Variants in KIAA1958 observed in about 807,000 individuals in gnomAD.
KIAA1958 encodes KIAA1958.
A neutral mutation model predicts 47.2 loss-of-function variants in KIAA1958; 14 were observed. The ratio of observed to expected loss-of-function variants is 0.30; its 90% CI spans 0.20 to 0.46. The LOEUF is 0.46. KIAA1958 is among the 20% of genes least tolerant of loss of function. KIAA1958 has a pLI of 1.00. For synonymous variants in KIAA1958, 354 were observed against 353.3 expected, an observed-to-expected ratio of 1.00 and a Z score of -0.02; for missense variants, 803 against 909.2, an observed-to-expected ratio of 0.88 and a Z score of 1.50.
intron 1 of KIAA1958, among the ~76,000 whole-genome samples, chr9:112,525,918 T>TTTC (rs758525184): frequency 1.8e-3 from 174 of 96,496 alleles, no homozygotes; most frequent in Non-Finnish European, 3.0e-3. Flanking sequence ...ATTTATATTC[T>TTTC]TTCTTCTTCT....
intron 2 of KIAA1958, among the ~76,000 whole-genome samples, chr9:112,611,703 C>G (rs1449026847): frequency 2.0e-5 from 3 of 151,874 alleles, no homozygotes; most frequent in African/African-American, 7.3e-5. Flanking sequence ...GTGCAAATAC[C>G]AACAGGATTT....
chr9:112,530,655 T>A (rs1834737059), intron 1 of KIAA1958, among the ~76,000 whole-genome samples: 1 of 152,242 alleles, frequency 6.6e-6, no homozygotes, highest in Non-Finnish European at 1.5e-5. Context: ...TTCAATTTTT[T>A]AAAATATAAC....
chr9:112,545,825 G>GTTTTTT (rs768489084), intron 1 of KIAA1958, among the ~76,000 whole-genome samples: 1 of 93,038 alleles, frequency 1.1e-5, no homozygotes, highest in East Asian at 3.2e-4. Flanking sequence ...AGGTTTCTTT[G>GTTTTTT]TTTTTTTTTT....
At chr9:112,612,173 T>G (rs962565904) in intron 2 of KIAA1958, among the ~76,000 whole-genome samples, 1 of 152,080 alleles carries the variant, frequency 6.6e-6, no homozygotes, top group Non-Finnish European at 1.5e-5. Context: ...TTTGGGAAGC[T>G]GAGGTGGAAG....
At chr9:112,560,680 G>C (rs1835312116) in intron 1 of KIAA1958, among the ~76,000 whole-genome samples, 1 of 152,222 alleles carries the variant, frequency 6.6e-6, no homozygotes, top group Admixed American at 6.5e-5. Flanking sequence ...AAGAGCTGGT[G>C]AGCAGCATTT....
intron 1 of KIAA1958, among the ~76,000 whole-genome samples, chr9:112,552,413 G>A (rs2132839748): frequency 1.3e-5 from 2 of 152,284 alleles, no homozygotes; most frequent in East Asian, 3.9e-4. Context: ...TCCACTCTCA[G>A]TGTTCACAGG....
intron 2 of KIAA1958, among the ~76,000 whole-genome samples, chr9:112,612,453 T>C (rs1181726438): frequency 2.6e-5 from 4 of 152,072 alleles, no homozygotes; most frequent in Admixed American, 2.6e-4. Context: ...TGAATATAAA[T>C]ATTCTTAAAT....
intron 1 of KIAA1958, among the ~76,000 whole-genome samples, chr9:112,540,771 A>G (rs907425598): frequency 4.6e-5 from 7 of 151,048 alleles, no homozygotes; most frequent in African/African-American, 1.7e-4. Flanking sequence ...CTGGAAGTGC[A>G]GTGGCACAAT....
intron 1 of KIAA1958, among the ~76,000 whole-genome samples, chr9:112,517,717 C>G (rs969450434): frequency 8.5e-5 from 13 of 152,204 alleles, no homozygotes; most frequent in African/African-American, 1.9e-4. Flanking sequence ...AGACTTTACA[C>G]AGAACTCTTA....
chr9:112,496,370 A>G (rs576947555), intron 1 of KIAA1958, among the ~76,000 whole-genome samples: 1 of 152,328 alleles, frequency 6.6e-6, no homozygotes, highest in African/African-American at 2.4e-5. Flanking sequence ...AACAGGCAGA[A>G]TCATTCTGTT....
At chr9:112,518,656 G>A (rs994895361) in intron 1 of KIAA1958, among the ~76,000 whole-genome samples, 7 of 152,092 alleles carry the variant, frequency 4.6e-5, no homozygotes, top group Admixed American at 6.6e-5. Flanking sequence ...CATGGTGATG[G>A]TTTCATGGCT....
At chr9:112,646,055 G>C (rs1225597446) in intron 3 of KIAA1958, among the ~76,000 whole-genome samples, 3 of 151,030 alleles carry the variant, frequency 2.0e-5, no homozygotes, top group Non-Finnish European at 4.4e-5. Context: ...TTTCAATTTG[G>C]TAAAACTGGA....
intron 1 of KIAA1958, among the ~76,000 whole-genome samples, chr9:112,565,689 T>G (rs1331819548): frequency 6.6e-6 from 1 of 152,244 alleles, no homozygotes; most frequent in Non-Finnish European, 1.5e-5. Flanking sequence ...ATAACTATTC[T>G]TTTGACTCAA....
At chr9:112,509,242 G>A (rs966223661) in intron 1 of KIAA1958, among the ~76,000 whole-genome samples, 11 of 129,362 alleles carry the variant, frequency 8.5e-5, no homozygotes, top group Non-Finnish European at 1.4e-4. Flanking sequence ...TTGCTGTGTC[G>A]CCTAGGCTGT....
chr9:112,631,351 A>AC (rs1836702337), intron 2 of KIAA1958, among the ~76,000 whole-genome samples: 5 of 151,896 alleles, frequency 3.3e-5, no homozygotes, highest in Admixed American at 3.3e-4. Context: ...GCATAGTGAG[A>AC]CCCCATCTCT....
chr9:112,531,686 T>C (rs146014585), intron 1 of KIAA1958, among the ~76,000 whole-genome samples: 3 of 152,386 alleles, frequency 2.0e-5, no homozygotes, highest in African/African-American at 7.2e-5. Context: ...AGGTTGTTTT[T>C]CTTCACTGAT....
At chr9:112,651,916 A>G (rs1164918891) in intron 3 of KIAA1958, among the ~76,000 whole-genome samples, 1 of 152,238 alleles carries the variant, frequency 6.6e-6, no homozygotes, top group East Asian at 1.9e-4. Context: ...CTTATCAAAG[A>G]AGGTCTAAAA....
rs1390199562 is a variant in KIAA1958 at position 112,618,781 on chromosome 9, T to C, written c.1172-26869T>C. On this transcript the variant is annotated intron_variant, in intron 2 of 3. Transcript: ENST00000337530. This position sits in a 1 kb window ranked among gnomAD's most constrained non-coding sequence, Gnocchi z 7.1. ...TGTATCAGAGCTGCAGCACCTTGTC[T>C]GAGGCCCAGAGCAACCAGCTCGTGC... The C allele has an allele frequency of 6.4e-7, 1 of 1,550,524 alleles. No individual in the cohort carries two copies. Among genetic ancestry groups the C allele is most frequent in the Non-Finnish European group, 8.7e-7 (1 of 1,147,006 alleles).
intron 1 of KIAA1958, among the ~76,000 whole-genome samples, chr9:112,517,697 A>G (rs1272115581): frequency 2.0e-5 from 3 of 152,230 alleles, no homozygotes; most frequent in African/African-American, 7.2e-5. Context: ...ACAACAAAAG[A>G]TTTGTATCTA....
Sources: allele counts gnomAD v4.1 joint callset (sites outside exome capture counted in the v4.1 genomes callset), GRCh38; gene constraint gnomAD v4.1.1; non-coding constraint Gnocchi (gnomAD v3.1); transcripts MANE v1.5; gene names NCBI Gene and HGNC (gene_info 2026-07-23, HGNC 2026-07-21).